ZNF536: variants seen among roughly 807,000 people sequenced by gnomAD.
The protein encoded by ZNF536 is zinc finger protein 536.
In ZNF536, 13 loss-of-function variants were observed where a neutral mutation model predicts 84.5. The observed-to-expected ratio is 0.15, with a 90% confidence interval of 0.10 to 0.24. The LOEUF (loss-of-function observed/expected upper bound fraction) is 0.24, where lower values mean the gene tolerates loss of function less well. ZNF536 is among the 10% of genes least tolerant of loss of function. ZNF536 has a pLI of 1.00. For missense variants in ZNF536, 1,536 were observed against 1,747.5 expected, an observed-to-expected ratio of 0.88 and a Z score of 2.16; for synonymous variants, 811 against 742.5, an observed-to-expected ratio of 1.09 and a Z score of -1.50.
intron 1 of ZNF536, among the ~76,000 whole-genome samples, chr19:30,426,976 C>T (rs1018955591): frequency 1.4e-4 from 22 of 151,974 alleles, no homozygotes; most frequent in African/African-American, 5.3e-4. Context: ...TGCATCCATC[C>T]ATCCATGTAT....
chr19:30,686,787 C>G lies in ZNF536; in HGVS notation c.170-23970C>G, dbSNP rs550694496. 3.9e-5 allele frequency among the ~76,000 whole-genome samples: 6 copies of G among 152,224 alleles called. No homozygotes were observed. The South Asian group carries it at 8.3e-4, about 21-fold the overall frequency. ...TCTCGGCTCAGGCCAGCCCTCCCCCCACTCCCCCCATCCAGTAAATGCATC... is the reference window on the plus strand; with the variant it reads ...TCTCGGCTCAGGCCAGCCCTCCCCCGACTCCCCCCATCCAGTAAATGCATC... On this transcript the variant is annotated intron_variant, in intron 1 of 1. Coordinates refer to the ZNF536 transcript ENST00000592773.
At chr19:30,368,071 C>T (rs2048494571), upstream of ZNF536, among the ~76,000 whole-genome samples, 1 of 152,188 alleles carries the variant, frequency 6.6e-6, no homozygotes, top group Admixed American at 6.5e-5. Flanking sequence ...AGGGCAGAGC[C>T]TCTGTCCCTC....
chr19:30,559,184 C>G (rs2046070092), downstream of ZNF536, among the ~76,000 whole-genome samples: 1 of 152,208 alleles, frequency 6.6e-6, no homozygotes, highest in African/African-American at 2.4e-5. Flanking sequence ...AGAAGGTTGT[C>G]AGATTTCCTG....
chr19:30,609,318 T>A (rs732877), intron 1 of ZNF536, among the ~76,000 whole-genome samples: 1 of 151,906 alleles, frequency 6.6e-6, no homozygotes, highest in Admixed American at 6.6e-5. Flanking sequence ...ACAAAATAGC[T>A]CTTGTCTAGA....
At chr19:30,269,802 T>C (rs1341332348) in intron 1 of ZNF536, among the ~76,000 whole-genome samples, 1 of 152,164 alleles carries the variant, frequency 6.6e-6, no homozygotes, top group Non-Finnish European at 1.5e-5. Flanking sequence ...CCAGTGTCTG[T>C]GTGTGCGGCC....
chr19:30,320,855 G>A (rs780480671), intron 2 of ZNF536, among the ~76,000 whole-genome samples: 1 of 152,054 alleles, frequency 6.6e-6, no homozygotes, highest in African/African-American at 2.4e-5. Flanking sequence ...ACTGTGCGCC[G>A]GACGTGTCAC....
At chr19:30,636,901 C>T (rs576639735) in intron 1 of ZNF536, among the ~76,000 whole-genome samples, 18 of 152,202 alleles carry the variant, frequency 1.2e-4, no homozygotes, top group South Asian at 8.3e-4. Flanking sequence ...GAACAGAGTC[C>T]GCAGAAGAAG....
rs1212990474 is a variant in ZNF536 at position 30,382,494 on chromosome 19, ACTT to A, written c.-3+9942_-3+9944del. Among the ~76,000 whole-genome samples the A allele has an allele frequency of 5.3e-5, 8 of 152,190 alleles. No individual in the cohort carries two copies. The East Asian group carries it at 1.5e-3, about 29-fold the overall frequency. On this transcript the variant is annotated intron_variant, in intron 1 of 4. Coordinates refer to ENST00000355537, the MANE Select transcript of ZNF536 (RefSeq NM_014717.3). Reference sequence around the variant, plus strand: ...AAAGCACTGTAAAGAAAATATCTGCACTTCTTTATTTAGGGATACAGTTAATTT... The same window carrying A: ...AAAGCACTGTAAAGAAAATATCTGCACTTTATTTAGGGATACAGTTAATTT...
At chr19:30,375,262 C>G (rs1234865610) in intron 1 of ZNF536, among the ~76,000 whole-genome samples, 1 of 149,200 alleles carries the variant, frequency 6.7e-6, no homozygotes. Context: ...GGCTGCCAGC[C>G]GGCCCTGCCC....
At chr19:30,527,874 A>C (rs1274248165) in intron 2 of ZNF536, among the ~76,000 whole-genome samples, 1 of 152,198 alleles carries the variant, frequency 6.6e-6, no homozygotes, top group Non-Finnish European at 1.5e-5. Flanking sequence ...AAGCCCTGGC[A>C]TACGTGGGCA....
At chr19:30,342,672 A>G (rs1321679038) in intron 2 of ZNF536, among the ~76,000 whole-genome samples, 2 of 152,230 alleles carry the variant, frequency 1.3e-5, no homozygotes, top group African/African-American at 2.4e-5. Context: ...AGCCTGGGAA[A>G]TTCTGAACCT....
At chr19:30,516,809 C>A (rs925226950) in intron 2 of ZNF536, among the ~76,000 whole-genome samples, 2 of 151,926 alleles carry the variant, frequency 1.3e-5, no homozygotes, top group African/African-American at 4.8e-5. Flanking sequence ...TTCGTGGCGG[C>A]AGTGGAAGTG....
rs1555775077 is a variant in ZNF536 at position 30,466,584 on chromosome 19, A to AGAGAGAGAG, written c.2170+20852_2170+20853insGAGAGAGAG. ...TTAGAAAGAAAGAAAGAAAGAAAGA[A>AGAGAGAGAG]AGAGAGAGAGAGAGAGAGAAAGAAA... On this transcript the variant is annotated intron_variant, in intron 2 of 4. Coordinates refer to ENST00000355537, the MANE Select transcript of ZNF536 (RefSeq NM_014717.3). Among the ~76,000 whole-genome samples, 395 of 144,458 alleles carry AGAGAGAGAG rather than the reference A, an allele frequency of 2.7e-3. 3 individuals carry two copies. The highest frequency in any genetic ancestry group is 8.9e-3 in the African/African-American group (344 of 38,620). 94.8% of individuals were successfully genotyped at this position (144,458 alleles called of 152,430 possible). A position where few individuals can be genotyped will look rare whatever the true frequency, so the allele number is the denominator to read the frequency against.
At chr19:30,529,302 T>C (rs2044713175) in intron 2 of ZNF536, among the ~76,000 whole-genome samples, 1 of 152,194 alleles carries the variant, frequency 6.6e-6, no homozygotes, top group Admixed American at 6.5e-5. Flanking sequence ...CAAATCATGT[T>C]TGTATACAGC....
chr19:30,516,409 G>A (rs368982609), intron 2 of ZNF536, among the ~76,000 whole-genome samples: 6 of 152,210 alleles, frequency 3.9e-5, no homozygotes, highest in African/African-American at 1.4e-4. Flanking sequence ...AGGGGCAACA[G>A]GAAAAGGACA....
chr19:30,463,666 G>A (rs1039564958), intron 2 of ZNF536, among the ~76,000 whole-genome samples: 3 of 152,156 alleles, frequency 2.0e-5, no homozygotes, highest in African/African-American at 7.2e-5. Flanking sequence ...CAGCACAAAA[G>A]GCACTTTGCC....
intron 1 of ZNF536, among the ~76,000 whole-genome samples, chr19:30,671,669 A>T (rs532689821): frequency 6.6e-6 from 1 of 152,254 alleles, no homozygotes; most frequent in African/African-American, 2.4e-5. Flanking sequence ...CTGCAGTGAC[A>T]TGGGGATATG....
chr19:30,558,296 G>T (rs1325668046), downstream of ZNF536, among the ~76,000 whole-genome samples: 1 of 152,152 alleles, frequency 6.6e-6, no homozygotes, highest in Non-Finnish European at 1.5e-5. Context: ...GATGACTGTG[G>T]GGGGTGGGGG....
intron 1 of ZNF536, among the ~76,000 whole-genome samples, chr19:30,681,106 C>T (rs1006451288): frequency 1.3e-5 from 2 of 152,172 alleles, no homozygotes; most frequent in African/African-American, 4.8e-5. Context: ...AGCCCCTTTC[C>T]GACTTTCCGA....
Sources: gnomAD v4.1 joint callset for allele counts (sites outside exome capture counted in the v4.1 genomes callset) on GRCh38, gnomAD v4.1.1 for gene constraint, MANE v1.5 for transcripts, NCBI Gene and HGNC (gene_info 2026-07-23, HGNC 2026-07-21) for gene names.